Variants in SLC6A16 observed in about 807,000 individuals in gnomAD.
SLC6A16 encodes the protein solute carrier family 6 member 16, also known as orphan sodium- and chloride-dependent neurotransmitter transporter NTT5.
SLC6A16 carries 54 observed loss-of-function variants against 65.4 expected under a neutral mutation model. That is an observed-to-expected ratio of 0.83 (90% CI 0.66 to 1.04). The LOEUF is 1.04. Among genes scored for constraint, SLC6A16 ranks in the 50% least tolerant of loss-of-function variants. SLC6A16 has a pLI of 0.00. For missense variants in SLC6A16, 816 were observed against 914.0 expected, an observed-to-expected ratio of 0.89 and a Z score of 1.38; for synonymous variants, 330 against 346.5, an observed-to-expected ratio of 0.95 and a Z score of 0.53.
At chr19:49,332,220 G>A in the SLC6A16 span, 3 of 456,630 alleles carry the variant, frequency 6.6e-6, no homozygotes, top group Non-Finnish European at 1.3e-5. Flanking sequence ...CCATCACATG[G>A]TGCTCTCCTC....
the SLC6A16 span, chr19:49,335,485 C>A: frequency 8.2e-7 from 1 of 1,216,904 alleles, no homozygotes; most frequent in Non-Finnish European, 1.2e-6. The surrounding 1 kb of genome is among the most constrained non-coding windows in gnomAD (Gnocchi z 4.6). Context: ...CCTGTCTCCC[C>A]CACTGTCAGC....
the SLC6A16 span, chr19:49,339,442 C>T: frequency 1.9e-6 from 3 of 1,601,012 alleles, no homozygotes; most frequent in Non-Finnish European, 2.6e-6. This position sits in a 1 kb window ranked among gnomAD's most constrained non-coding sequence, Gnocchi z 4.5. Flanking sequence ...CACCCGCGAT[C>T]GGCCCTAAAT....
chr19:49,323,616 A>G (rs983661575), intron 1 of SLC6A16, among the ~76,000 whole-genome samples: 1 of 152,238 alleles, frequency 6.6e-6, no homozygotes, highest in Non-Finnish European at 1.5e-5. Context: ...AAAGATGTTC[A>G]ACGTCACTAA....
rs771924775 is a variant in SLC6A16 at position 49,290,122 on chromosome 19, G to T, written c.*1C>A. The T allele has an allele frequency of 9.3e-6, 15 of 1,613,270 alleles. No individual in the cohort carries two copies. The highest frequency in any genetic ancestry group is 3.3e-5 in the Admixed American group (2 of 59,958). On this transcript the variant is annotated 3_prime_UTR_variant, in exon 12 of 12. Coordinates refer to ENST00000335875, the MANE Select transcript of SLC6A16 (RefSeq NM_014037.3). ...TGTTATGTGAAGCCAAATTAATGAA[G>T]TTAGGAAGTCACATTACAAGTTGAT...
chr19:49,337,307 C>A, the SLC6A16 span: 3 of 1,298,004 alleles, frequency 2.3e-6, no homozygotes, highest in African/African-American at 1.5e-5. Flanking sequence ...GAGACCGAAA[C>A]AAGGGCAGAC....
chr19:49,313,548 G>A (rs1479622857), intron 1 of SLC6A16, among the ~76,000 whole-genome samples: 2 of 151,158 alleles, frequency 1.3e-5, no homozygotes, highest in South Asian at 2.1e-4. Flanking sequence ...GGGAGGCCAA[G>A]GCAGGCGGAT....
chr19:49,337,508 G>A, the SLC6A16 span: 1 of 693,060 alleles, frequency 1.4e-6, no homozygotes, highest in Admixed American at 3.1e-5. Context: ...TGGGGTCCCA[G>A]CTACTTGGGA....
rs140908936 is a variant in SLC6A16 at position 49,321,093 on chromosome 19, T to G, written c.-65+3955A>C. Among the ~76,000 whole-genome samples the G allele has an allele frequency of 1.2e-4, 19 of 152,114 alleles. No individual in the cohort carries two copies. The East Asian group carries it at 3.5e-3, about 28-fold the overall frequency. On this transcript the variant is annotated intron_variant, in intron 1 of 11. Transcript: ENST00000335875. ...CTACAGACCTATATTCATTATGAACTTTGATGCAAAAATCCTCAAAAAAAA... is the reference window on the plus strand; with the variant it reads ...CTACAGACCTATATTCATTATGAACGTTGATGCAAAAATCCTCAAAAAAAA...
In SLC6A16 at chr19:49,311,363, T is replaced by G; in HGVS notation, c.-16A>C. On this transcript the variant is annotated 5_prime_UTR_variant, in exon 2 of 12. Coordinates refer to ENST00000335875, the MANE Select transcript of SLC6A16 (RefSeq NM_014037.3). Reference sequence around the variant, plus strand: ...CTGTCTTCATCTCACACAGACTCTCTGGGGCAGCTCCCGCTTCTGCAAGGG... The same window carrying G: ...CTGTCTTCATCTCACACAGACTCTCGGGGGCAGCTCCCGCTTCTGCAAGGG... 1 of 1,543,054 alleles carries G rather than the reference T, an allele frequency of 6.5e-7. No homozygotes were observed.
intron 1 of SLC6A16, among the ~76,000 whole-genome samples, chr19:49,321,914 C>T (rs142814112): frequency 6.8e-6 from 1 of 147,596 alleles, no homozygotes; most frequent in Non-Finnish European, 1.5e-5. Context: ...AAAGTGACAC[C>T]ATGTCTCAGC....
At chr19:49,320,032 G>A (rs889658468) in intron 1 of SLC6A16, among the ~76,000 whole-genome samples, 2 of 151,940 alleles carry the variant, frequency 1.3e-5, no homozygotes, top group Non-Finnish European at 2.9e-5. Context: ...AAATGAAAAC[G>A]AAAACACACA....
chr19:49,300,849 C>T (rs528347097), intron 7 of SLC6A16, among the ~76,000 whole-genome samples: 2 of 151,994 alleles, frequency 1.3e-5, no homozygotes, highest in Non-Finnish European at 2.9e-5. Context: ...GTCAGGAGTT[C>T]GAGACCAGCC....
In SLC6A16 at chr19:49,311,330, C is replaced by A; in HGVS notation, c.18G>T (p.Gln6His). ...TGTTTGCCAGCAAGGATGTCGAAGG[C>A]TGGGCCTCTGTCTTCATCTCACACA... The part of the protein sequence containing the change: MKTEA[Q>H]PSTSLLANTS... The change falls in exon 2 of 12, where the codon CAG (glutamine) becomes CAT (histidine). Residue 6 changes from glutamine (Q) to histidine (H), a missense_variant. Physicochemically the swap from Gln to His is conservative, Grantham distance 24 (BLOSUM62 0). Transcript: ENST00000335875. 1 of 1,586,968 alleles carries A rather than the reference C, an allele frequency of 6.3e-7. No homozygotes were observed. The highest frequency in any genetic ancestry group is 1.2e-5 in the South Asian group (1 of 85,560).
In SLC6A16 at chr19:49,310,170, G is replaced by C; in HGVS notation, c.574-4C>G. The C allele has an allele frequency of 6.2e-7, 1 of 1,614,022 alleles. No individual in the cohort carries two copies. Among genetic ancestry groups the C allele is most frequent in the Middle Eastern group, 1.6e-4 (1 of 6,062 alleles). ...ACAGGCCGAGGATGAAGCACACCTG[G>C]GGGCCAAGGAGGATATGGCTGGGGA... On this transcript the variant is annotated splice_polypyrimidine_tract_variant and splice_region_variant and intron_variant, in intron 3 of 11. Coordinates refer to ENST00000335875, the MANE Select transcript of SLC6A16 (RefSeq NM_014037.3).
chr19:49,309,267 A>G (rs1425900592), intron 6 of SLC6A16, 34 bp downstream of exon 6: 24 of 1,584,546 alleles, frequency 1.5e-5, no homozygotes, highest in African/African-American at 2.7e-5. Flanking sequence ...GTGCCCTACA[A>G]GGCCTGACGG....
At chr19:49,300,918 G>A (rs1270890189) in intron 7 of SLC6A16, among the ~76,000 whole-genome samples, 2 of 152,072 alleles carry the variant, frequency 1.3e-5, no homozygotes, top group African/African-American at 2.4e-5. Context: ...TGGGCATGGT[G>A]GCACGTTCCT....
rs1398170562 is a variant in SLC6A16 at position 49,292,376 on chromosome 19, G to GA, written c.1778+846dup. ...AGCAAGACTCCATCTCAAAAAGAAA[G>GA]AAAAAAAGAAATATTACATAGCTTC... On this transcript the variant is annotated intron_variant, in intron 10 of 11. Coordinates refer to ENST00000335875, the MANE Select transcript of SLC6A16 (RefSeq NM_014037.3). This position sits in a 1 kb window ranked among gnomAD's most constrained non-coding sequence, Gnocchi z 4.3. Among the ~76,000 whole-genome samples the GA allele has an allele frequency of 6.6e-6, 1 of 151,896 alleles. No individual in the cohort carries two copies. The highest frequency in any genetic ancestry group is 6.6e-5 in the Admixed American group (1 of 15,246).
chr19:49,338,670 C>G, the SLC6A16 span: 4 of 1,520,656 alleles, frequency 2.6e-6, no homozygotes, highest in Non-Finnish European at 3.6e-6. The surrounding 1 kb of genome is among the most constrained non-coding windows in gnomAD (Gnocchi z 5.0). Flanking sequence ...TCTCCAGTCC[C>G]GGTCCCTCTG....
At chr19:49,302,752 T>C (rs950947682) in intron 7 of SLC6A16, among the ~76,000 whole-genome samples, 2 of 151,790 alleles carry the variant, frequency 1.3e-5, no homozygotes, top group African/African-American at 2.4e-5. Flanking sequence ...AGGAAAACAA[T>C]AGAACAACGA....
Sources: gnomAD v4.1 joint callset for allele counts (sites outside exome capture counted in the v4.1 genomes callset) on GRCh38, gnomAD v4.1.1 for gene constraint, Gnocchi (gnomAD v3.1) non-coding constraint, MANE v1.5 for transcripts, NCBI Gene and HGNC (gene_info 2026-07-23, HGNC 2026-07-21) for gene names.